TTC28: variants seen among roughly 807,000 people sequenced by gnomAD.
TTC28 encodes the protein tetratricopeptide repeat protein 28.
TTC28 carries 61 observed loss-of-function variants against 198.0 expected under a neutral mutation model. The ratio of observed to expected loss-of-function variants is 0.31; its 90% CI spans 0.25 to 0.38. The LOEUF (loss-of-function observed/expected upper bound fraction) is 0.38. Ranked by LOEUF, TTC28 falls within the 10% of genes least tolerant of loss-of-function variation. The pLI, the probability that TTC28 is intolerant of heterozygous loss-of-function variation, is 1.00. For synonymous variants in TTC28, 1,171 were observed against 1,297.8 expected, an observed-to-expected ratio of 0.90 and a Z score of 2.10; for missense variants, 2,678 against 3,164.0, an observed-to-expected ratio of 0.85 and a Z score of 3.69.
intron 2 of TTC28, among the ~76,000 whole-genome samples, chr22:28,337,742 G>A (rs1383344229): frequency 2.6e-5 from 4 of 151,900 alleles, no homozygotes; most frequent in South Asian, 2.1e-4. Context: ...GTCTCTGCAC[G>A]TGAGATGGGT....
intron 6 of TTC28, among the ~76,000 whole-genome samples, chr22:28,142,340 G>C (rs1265935158): frequency 6.6e-6 from 1 of 152,296 alleles, no homozygotes. Flanking sequence ...GGAGGGGGAA[G>C]GGTTGGGAAG....
chr22:28,552,781 C>T (rs2049701526), intron 2 of TTC28, among the ~76,000 whole-genome samples: 2 of 135,276 alleles, frequency 1.5e-5, no homozygotes, highest in South Asian at 2.3e-4. Context: ...CTCCCCCTCC[C>T]CCTCTCCCCA....
intron 14 of TTC28, among the ~76,000 whole-genome samples, chr22:28,006,318 A>C (rs1937927474): frequency 6.6e-6 from 1 of 152,240 alleles, no homozygotes; most frequent in South Asian, 2.1e-4. Flanking sequence ...GTAGCTGCAC[A>C]GTGGGTAAAG....
intron 6 of TTC28, among the ~76,000 whole-genome samples, chr22:28,158,298 T>C (rs1010513753): frequency 3.9e-5 from 6 of 151,996 alleles, no homozygotes; most frequent in Non-Finnish European, 5.9e-5. Context: ...CATTCATGGA[T>C]TGGAAGAATC....
chr22:28,012,332 G>A (rs1003249174), intron 14 of TTC28, among the ~76,000 whole-genome samples: 2 of 152,292 alleles, frequency 1.3e-5, no homozygotes. Context: ...AACCGAGCAC[G>A]TGCAAGGACT....
chr22:28,244,756 GTTCA>G (rs1482886540), intron 5 of TTC28, among the ~76,000 whole-genome samples: 2 of 152,116 alleles, frequency 1.3e-5, no homozygotes, highest in Non-Finnish European at 2.9e-5. Flanking sequence ...TCTTGCTCAT[GTTCA>G]TTTATGGGAC....
intron 20 of TTC28, among the ~76,000 whole-genome samples, chr22:27,990,396 CG>C (rs1240027135): frequency 1.3e-5 from 2 of 152,168 alleles, no homozygotes; most frequent in Non-Finnish European, 2.9e-5. Context: ...AAGTGGAACC[CG>C]GTTACATCTT....
intron 5 of TTC28, among the ~76,000 whole-genome samples, chr22:28,254,816 G>T (rs570066576): frequency 7.2e-5 from 11 of 152,244 alleles, no homozygotes; most frequent in Middle Eastern, 3.4e-3. Flanking sequence ...AGAAGGCAAA[G>T]AATCAGAACT....
intron 2 of TTC28, among the ~76,000 whole-genome samples, chr22:28,378,685 T>A (rs958853492): frequency 6.7e-6 from 1 of 149,940 alleles, no homozygotes; most frequent in Non-Finnish European, 1.5e-5. Context: ...AGAGAGAGAA[T>A]AGGATTAATA....
intron 5 of TTC28, among the ~76,000 whole-genome samples, chr22:28,254,505 G>A (rs1209085154): frequency 1.4e-5 from 2 of 139,918 alleles, no homozygotes; most frequent in Admixed American, 7.1e-5. Context: ...AAAAAAAAAA[G>A]TCTGGTTAGA....
At position 27,981,593 on chromosome 22, in the gene TTC28, G is replaced by A. The variant is rs11705535; in HGVS notation, c.*628C>T. Reference sequence around the variant, plus strand: ...AAAGACATTTGCAGAGCAGAGTTCAGAATGGAAGCGCTGTTTCAATGTGAA... The same window carrying A: ...AAAGACATTTGCAGAGCAGAGTTCAAAATGGAAGCGCTGTTTCAATGTGAA... On this transcript the variant is annotated 3_prime_UTR_variant, in exon 23 of 23. Transcript: ENST00000397906. The A allele has an allele frequency of 6.6e-6, 1 of 152,038 alleles. No homozygotes were observed. The highest frequency in any genetic ancestry group is 1.5e-5 in the Non-Finnish European group (1 of 68,022). The allele number at this position is 152,038 out of a possible 1,614,324, so 9.4% of individuals were successfully genotyped here. A position where few individuals can be genotyped will look rare whatever the true frequency, so the allele number is the denominator to read the frequency against.
intron 6 of TTC28, among the ~76,000 whole-genome samples, chr22:28,159,015 A>G (rs1262620964): frequency 6.6e-6 from 1 of 152,224 alleles, no homozygotes; most frequent in African/African-American, 2.4e-5. Context: ...AACTACCCAT[A>G]TGACAAGGGA....
chr22:28,126,357 A>G (rs1488227986), intron 6 of TTC28, among the ~76,000 whole-genome samples: 1 of 152,164 alleles, frequency 6.6e-6, no homozygotes, highest in Non-Finnish European at 1.5e-5. Context: ...TCCAGTGTTG[A>G]GTGGCAATTT....
chr22:28,128,032 T>C (rs960688690), intron 6 of TTC28, among the ~76,000 whole-genome samples: 1 of 152,048 alleles, frequency 6.6e-6, no homozygotes, highest in Non-Finnish European at 1.5e-5. Flanking sequence ...CCTAGACACC[T>C]TCTTCATTTC....
chr22:28,449,484 T>C (rs1202300451), intron 2 of TTC28, among the ~76,000 whole-genome samples: 1 of 152,218 alleles, frequency 6.6e-6, no homozygotes, highest in Non-Finnish European at 1.5e-5. Flanking sequence ...AACACTCTTA[T>C]GTAGAGGAAC....
intron 5 of TTC28, among the ~76,000 whole-genome samples, chr22:28,231,618 G>A (rs1928811016): frequency 6.6e-6 from 1 of 152,200 alleles, no homozygotes; most frequent in Non-Finnish European, 1.5e-5. Flanking sequence ...TGGAATGTTA[G>A]CAGTTTACAC....
intron 2 of TTC28, among the ~76,000 whole-genome samples, chr22:28,388,021 A>G (rs2046642756): frequency 6.6e-6 from 1 of 152,134 alleles, no homozygotes; most frequent in Non-Finnish European, 1.5e-5. Context: ...TGATTTTTGT[A>G]TAAGGTGTAA....
Position 28,369,840 on chromosome 22 carries a change from A to T in TTC28, c.382-63197T>A, listed in dbSNP as rs138381665. 8.8e-3 allele frequency among the ~76,000 whole-genome samples: 1,346 copies of T among 152,330 alleles called. 11 individuals are homozygous for T. Among genetic ancestry groups the T allele is most frequent in the Non-Finnish European group, 0.013 (908 of 68,028 alleles). On this transcript the variant is annotated intron_variant, in intron 2 of 22. Coordinates refer to ENST00000397906, the MANE Select transcript of TTC28 (RefSeq NM_001145418.2). ...AATAAATGTGTAAAATATATATATA[A>T]GAGTAATAGGAATATACAGTAGACA...
chr22:28,330,333 G>A (rs1370949317), intron 2 of TTC28, among the ~76,000 whole-genome samples: 1 of 152,062 alleles, frequency 6.6e-6, no homozygotes, highest in Non-Finnish European at 1.5e-5. Context: ...TCAGGTCTTG[G>A]TAATGCTGCA....
Sources: gnomAD v4.1 joint callset for allele counts (sites outside exome capture counted in the v4.1 genomes callset) on GRCh38, gnomAD v4.1.1 for gene constraint, MANE v1.5 for transcripts, NCBI Gene and HGNC (gene_info 2026-07-23, HGNC 2026-07-21) for gene names.